The following ZMAT4 variants were observed in gnomAD, a reference collection of about 807,000 sequenced individuals.
ZMAT4 encodes the protein zinc finger matrin-type protein 4.
A neutral mutation model predicts 28.7 loss-of-function variants in ZMAT4; 17 were observed. The ratio of observed to expected loss-of-function variants is 0.59; its 90% CI spans 0.41 to 0.89. The LOEUF is 0.89. ZMAT4 is among the 40% of genes least tolerant of loss of function. The probability of loss-of-function intolerance (pLI) is 0.00; values close to 1 mark genes in which losing one functional copy is unlikely to be tolerated. For missense variants in ZMAT4, 240 were observed against 283.8 expected (o/e 0.85, Z 1.11); for synonymous variants, 117 against 109.2 (o/e 1.07, Z -0.44).
At chr8:40,706,132 G>A (rs1167729413) in intron 3 of ZMAT4, among the ~76,000 whole-genome samples, 4 of 152,020 alleles carry the variant, frequency 2.6e-5, no homozygotes, top group South Asian at 2.1e-4. Context: ...AGCTCACTGC[G>A]AACTCAGCCT....
chr8:40,608,698 T>A (rs544778451), intron 5 of ZMAT4, among the ~76,000 whole-genome samples: 2 of 152,276 alleles, frequency 1.3e-5, no homozygotes, highest in Admixed American at 6.5e-5. Context: ...TCCCCAAGGA[T>A]CCCTGTGAGA....
At chr8:40,720,880 G>C (rs1321756563) in intron 3 of ZMAT4, among the ~76,000 whole-genome samples, 1 of 152,020 alleles carries the variant, frequency 6.6e-6, no homozygotes, top group East Asian at 1.9e-4. Flanking sequence ...AGTAAGGTGG[G>C]AGGGAGGGAA....
intron 5 of ZMAT4, among the ~76,000 whole-genome samples, chr8:40,587,643 A>G (rs1038106305): frequency 1.3e-5 from 2 of 152,154 alleles, no homozygotes; most frequent in African/African-American, 2.4e-5. Flanking sequence ...TAGAGAAAAT[A>G]AAATGGAATA....
intron 2 of ZMAT4, among the ~76,000 whole-genome samples, chr8:40,823,353 G>A (rs1469067918): frequency 6.6e-6 from 1 of 152,040 alleles, no homozygotes; most frequent in Non-Finnish European, 1.5e-5. Flanking sequence ...CTTAACTGGG[G>A]AAAACATACT....
intron 5 of ZMAT4, among the ~76,000 whole-genome samples, chr8:40,666,771 A>AACCGCATG (rs1808432737): frequency 6.6e-6 from 1 of 152,218 alleles, no homozygotes; most frequent in South Asian, 2.1e-4. Flanking sequence ...CACAAGTTTG[A>AACCGCATG]ACCGCATGGG....
At chr8:40,580,379 G>A (rs1804423003) in intron 6 of ZMAT4, among the ~76,000 whole-genome samples, 2 of 152,076 alleles carry the variant, frequency 1.3e-5, no homozygotes, top group Admixed American at 6.5e-5. Context: ...ACAAATGTTT[G>A]TTAAATTAAC....
intron 3 of ZMAT4, among the ~76,000 whole-genome samples, chr8:40,746,877 T>C (rs558666569): frequency 6.6e-6 from 1 of 152,292 alleles, no homozygotes; most frequent in South Asian, 2.1e-4. Flanking sequence ...CTTCCTGGAA[T>C]GCTCTTCCTT....
chr8:40,724,496 T>C (rs1238544881), intron 3 of ZMAT4, among the ~76,000 whole-genome samples: 1 of 152,220 alleles, frequency 6.6e-6, no homozygotes, highest in Non-Finnish European at 1.5e-5. Flanking sequence ...AGCTTTTCAG[T>C]GGTCTGACTC....
chr8:40,876,002 C>A (rs1818030097), intron 1 of ZMAT4, among the ~76,000 whole-genome samples: 1 of 152,102 alleles, frequency 6.6e-6, no homozygotes, highest in African/African-American at 2.4e-5. Flanking sequence ...TCCACCAGCA[C>A]CACAGAAGAG....
intron 4 of ZMAT4, among the ~76,000 whole-genome samples, chr8:40,679,143 C>G (rs773807966): frequency 3.3e-5 from 5 of 152,144 alleles, no homozygotes; most frequent in African/African-American, 4.8e-5. Context: ...ATCACCTCAT[C>G]ATGGAATGAA....
At chr8:40,584,133 A>G (rs1274098731) in intron 5 of ZMAT4, among the ~76,000 whole-genome samples, 2 of 152,036 alleles carry the variant, frequency 1.3e-5, no homozygotes, top group Admixed American at 6.6e-5. Context: ...TCCTGAGTTT[A>G]TTTTCCTTTC....
At chr8:40,606,406 GA>G (rs1224131367) in intron 5 of ZMAT4, among the ~76,000 whole-genome samples, 5 of 151,764 alleles carry the variant, frequency 3.3e-5, no homozygotes, top group African/African-American at 7.3e-5. Flanking sequence ...TTGTTTGTCT[GA>G]AAAAAAATGT....
intron 1 of ZMAT4, among the ~76,000 whole-genome samples, chr8:40,877,053 A>T (rs1818065113): frequency 6.6e-6 from 1 of 152,234 alleles, no homozygotes; most frequent in South Asian, 2.1e-4. Context: ...AAACGAGACC[A>T]TTAGGGTGGG....
chr8:40,853,540 T>C (rs1455817770), intron 1 of ZMAT4, among the ~76,000 whole-genome samples: 1 of 152,096 alleles, frequency 6.6e-6, no homozygotes, highest in Non-Finnish European at 1.5e-5. Flanking sequence ...CGAGTGACAG[T>C]GCAAGACTCC....
chr8:40,611,694 A>G (rs533928941), intron 5 of ZMAT4, among the ~76,000 whole-genome samples: 1 of 152,178 alleles, frequency 6.6e-6, no homozygotes, highest in Non-Finnish European at 1.5e-5. Context: ...TTAGAAAAAC[A>G]TTACCCTGTC....
At chr8:40,825,505 G>C in intron 2 of ZMAT4, 70 bp downstream of exon 2, 2 of 1,313,172 alleles carry the variant, frequency 1.5e-6, no homozygotes, top group Non-Finnish European at 2.1e-6. Context: ...GAGGATCCTG[G>C]AGTCCTACAA....
chr8:40,765,327 G>C (rs551900101), intron 3 of ZMAT4, among the ~76,000 whole-genome samples: 4 of 152,230 alleles, frequency 2.6e-5, no homozygotes, highest in South Asian at 2.1e-4. Context: ...AAGTATTGGG[G>C]GTGACTTCCA....
intron 1 of ZMAT4, among the ~76,000 whole-genome samples, chr8:40,868,189 A>T (rs193270804): frequency 6.6e-6 from 1 of 152,358 alleles, no homozygotes. Flanking sequence ...ATGGAAAAAA[A>T]GCCATTTAGG....
At chr8:40,581,089 G>A (rs1401663073) in intron 6 of ZMAT4, 76 bp downstream of exon 6, 1 of 1,187,966 alleles carries the variant, frequency 8.4e-7, no homozygotes, top group African/African-American at 1.5e-5. Flanking sequence ...AGAAATAGAT[G>A]AAATGTTGAG....
Sources: gnomAD v4.1 joint callset for allele counts (sites outside exome capture counted in the v4.1 genomes callset) on GRCh38, gnomAD v4.1.1 for gene constraint, MANE v1.5 for transcripts, NCBI Gene and HGNC (gene_info 2026-07-23, HGNC 2026-07-21) for gene names.